The following GLG1 variants were observed in gnomAD, a reference collection of about 807,000 sequenced individuals.
The protein encoded by GLG1 is golgi glycoprotein 1.
In GLG1, 38 loss-of-function variants were observed where a neutral mutation model predicts 160.5. The ratio of observed to expected loss-of-function variants is 0.24; its 90% confidence interval spans 0.18 to 0.31. The LOEUF is 0.31. Ranked by LOEUF, GLG1 falls within the 10% of genes least tolerant of loss-of-function variation. The probability of loss-of-function intolerance (pLI) is 1.00; values close to 1 mark genes in which losing one functional copy is unlikely to be tolerated. For missense variants in GLG1, 1,373 were observed against 1,505.2 expected, an observed-to-expected ratio of 0.91 and a Z score of 1.45; for synonymous variants, 644 against 543.4, an observed-to-expected ratio of 1.19 and a Z score of -2.57.
At chr16:74,478,968 G>A (rs185161047) in intron 11 of GLG1, among the ~76,000 whole-genome samples, 4 of 145,508 alleles carry the variant, frequency 2.7e-5, no homozygotes, top group South Asian at 2.3e-4. Flanking sequence ...CACTTTGGGA[G>A]GCCCAGGTGA....
intron 1 of GLG1, among the ~76,000 whole-genome samples, chr16:74,538,714 C>T (rs970824036): frequency 1.4e-4 from 20 of 139,918 alleles, no homozygotes; most frequent in East Asian, 4.3e-4. Context: ...ACAGGTCCAA[C>T]GGGAGATTTT....
At chr16:74,543,968 A>G (rs1442093244) in intron 1 of GLG1, among the ~76,000 whole-genome samples, 1 of 152,216 alleles carries the variant, frequency 6.6e-6, no homozygotes, top group Non-Finnish European at 1.5e-5. Context: ...TGATTCCAGA[A>G]AAACAGATGA....
intron 1 of GLG1, among the ~76,000 whole-genome samples, chr16:74,571,340 C>T (rs2143781483): frequency 6.6e-6 from 1 of 152,224 alleles, no homozygotes; most frequent in Non-Finnish European, 1.5e-5. Context: ...AAAATCTGAC[C>T]CACAGATTCA....
intron 1 of GLG1, among the ~76,000 whole-genome samples, chr16:74,601,261 T>G (rs963480322): frequency 6.6e-6 from 1 of 152,038 alleles, no homozygotes; most frequent in Non-Finnish European, 1.5e-5. Flanking sequence ...ACGACTCATA[T>G]AAGTTAGACA....
chr16:74,480,203 G>A (rs774355777), intron 11 of GLG1, 38 bp downstream of exon 11: 4 of 1,520,026 alleles, frequency 2.6e-6, no homozygotes, highest in Non-Finnish European at 2.7e-6. Context: ...AAAAACAAAT[G>A]ACAAGAAGAA....
At chr16:74,516,046 T>C (rs1313642211) in intron 2 of GLG1, among the ~76,000 whole-genome samples, 1 of 151,510 alleles carries the variant, frequency 6.6e-6, no homozygotes, top group Non-Finnish European at 1.5e-5. Context: ...AGCACCCAGA[T>C]TCATAAAGCA....
At chr16:74,595,355 T>C (rs1370511647) in intron 1 of GLG1, among the ~76,000 whole-genome samples, 2 of 149,584 alleles carry the variant, frequency 1.3e-5, no homozygotes, top group South Asian at 2.1e-4. Flanking sequence ...GGCTAACACG[T>C]TGAAACCTGG....
intron 1 of GLG1, among the ~76,000 whole-genome samples, chr16:74,569,075 A>G (rs532883009): frequency 6.6e-6 from 1 of 152,360 alleles, no homozygotes; most frequent in South Asian, 2.1e-4. Context: ...AGGCCTGCCC[A>G]AGGTAGGAAA....
At chr16:74,470,306 C>A (rs12716765) in intron 15 of GLG1, among the ~76,000 whole-genome samples, 116,138 of 120,116 alleles carry the variant, frequency 0.97, 56,119 homozygotes, top group East Asian at 0.99. Context: ...CCTTCCTTCC[C>A]TCCCTCCCTC....
At chr16:74,566,868 A>T (rs766597948) in intron 1 of GLG1, among the ~76,000 whole-genome samples, 30 of 152,226 alleles carry the variant, frequency 2.0e-4, no homozygotes, top group Non-Finnish European at 4.1e-4. Context: ...ACCCTGCAGG[A>T]AACTTTAAAT....
Position 74,465,595 on chromosome 16 carries a change from G to T in GLG1, c.2667+81C>A, listed in dbSNP as rs1567459770. Reference sequence around the variant, plus strand: ...AGGGACCACACTTTGAGAAAGCTGAGCCTGAGGAAGTTGCTGCCATTGTTT... The same window carrying T: ...AGGGACCACACTTTGAGAAAGCTGATCCTGAGGAAGTTGCTGCCATTGTTT... On this transcript the variant is annotated intron_variant, in intron 19 of 25. Coordinates refer to ENST00000422840, the MANE Select transcript of GLG1 (RefSeq NM_001145667.2). 16 of 1,410,446 alleles carry T rather than the reference G, an allele frequency of 1.1e-5. No individual in the cohort carries two copies. In the East Asian group the frequency reaches 3.2e-4, roughly 28 times the overall value. 87.4% of individuals were successfully genotyped at this position (1,410,446 alleles called of 1,614,324 possible). A position where few individuals can be genotyped will look rare whatever the true frequency, so the allele number is the denominator to read the frequency against.
chr16:74,495,478 T>G (rs2016151861), intron 5 of GLG1, among the ~76,000 whole-genome samples: 1 of 152,220 alleles, frequency 6.6e-6, no homozygotes. Flanking sequence ...GTGGCTCTGA[T>G]GGTTAAAGCT....
chr16:74,475,600 C>T (rs920944213), intron 12 of GLG1, among the ~76,000 whole-genome samples: 1 of 152,198 alleles, frequency 6.6e-6, no homozygotes, highest in Non-Finnish European at 1.5e-5. Context: ...TAGTCTATTA[C>T]TATTCCTTCT....
chr16:74,584,555 G>A (rs1326743764), intron 1 of GLG1, among the ~76,000 whole-genome samples: 3 of 152,054 alleles, frequency 2.0e-5, no homozygotes, highest in Non-Finnish European at 2.9e-5. Context: ...AGAGGCAAAG[G>A]CATAAGAATG....
At chr16:74,460,052 G>C (rs2014725322) in intron 22 of GLG1, among the ~76,000 whole-genome samples, 1 of 139,630 alleles carries the variant, frequency 7.2e-6, no homozygotes, top group African/African-American at 2.7e-5. Flanking sequence ...ACAGAGTCTT[G>C]CTCTTGTTGC....
chr16:74,548,906 G>C (rs542706630), intron 1 of GLG1, among the ~76,000 whole-genome samples: 15 of 152,220 alleles, frequency 9.9e-5, no homozygotes, highest in South Asian at 2.1e-4. Context: ...TGAGGCAGGA[G>C]AATCACTTGA....
intron 4 of GLG1, among the ~76,000 whole-genome samples, chr16:74,497,315 C>CAA (rs1225860130): frequency 6.9e-6 from 1 of 145,032 alleles, no homozygotes. Flanking sequence ...CACACACACA[C>CAA]AAAAAACCAC....
At chr16:74,463,255 C>T (rs1046521687) in intron 20 of GLG1, 101 bp downstream of exon 20, 20 of 1,186,272 alleles carry the variant, frequency 1.7e-5, no homozygotes, top group Admixed American at 1.5e-4. Context: ...CTTAAAATTC[C>T]CAGGCAACAA....
chr16:74,452,737 G>C lies in GLG1; in HGVS notation c.*430C>G, dbSNP rs2014368782. The C allele has an allele frequency of 1.0e-6, 1 of 992,212 alleles. No homozygotes were observed. 61.5% of individuals were successfully genotyped at this position (992,212 alleles called of 1,614,324 possible). On this transcript the variant is annotated 3_prime_UTR_variant, in exon 26 of 26. Coordinates refer to ENST00000422840, the MANE Select transcript of GLG1 (RefSeq NM_001145667.2). ...CTTTGTTTTACACAGTCATATGAAA[G>C]ACATAACCCCATTGCCCAAATCAAG...
Sources: gnomAD v4.1 joint callset for allele counts (sites outside exome capture counted in the v4.1 genomes callset) on GRCh38, gnomAD v4.1.1 for gene constraint, MANE v1.5 for transcripts, NCBI Gene and HGNC (gene_info 2026-07-23, HGNC 2026-07-21) for gene names.